PRKN: variants seen among roughly 807,000 people sequenced by gnomAD.
PRKN encodes the protein parkin RBR E3 ubiquitin protein ligase.
PRKN carries 56 observed loss-of-function variants against 59.5 expected under a neutral mutation model. The ratio of observed to expected loss-of-function variants is 0.94; its 90% CI spans 0.76 to 1.18. The LOEUF (loss-of-function observed/expected upper bound fraction) is 1.18, where lower values mean the gene tolerates loss of function less well. Among genes scored for constraint, PRKN ranks in the 50% most tolerant of loss-of-function variants. The pLI, the probability that PRKN is intolerant of heterozygous loss-of-function variation, is 0.00. For synonymous variants in PRKN, 250 were observed against 222.1 expected (o/e 1.13, Z -1.12); for missense variants, 657 against 596.4 (o/e 1.10, Z -1.06).
At chr6:162,454,421 A>G (rs1170266063) in intron 1 of PRKN, among the ~76,000 whole-genome samples, 1 of 152,254 alleles carries the variant, frequency 6.6e-6, no homozygotes, top group Non-Finnish European at 1.5e-5. Flanking sequence ...TACAGACATT[A>G]TCTCAGTTAA....
intron 4 of PRKN, among the ~76,000 whole-genome samples, chr6:162,082,020 C>T (rs1447147422): frequency 6.6e-6 from 1 of 152,130 alleles, no homozygotes; most frequent in Non-Finnish European, 1.5e-5. Context: ...TCACCTCTCT[C>T]AGCCTTCATA....
intron 1 of PRKN, among the ~76,000 whole-genome samples, chr6:162,705,029 T>C (rs1778289755): frequency 1.3e-5 from 2 of 152,198 alleles, no homozygotes; most frequent in African/African-American, 2.4e-5. Context: ...AATGTTCCTT[T>C]GCTTTTTTAA....
At chr6:161,874,865 A>ATAT (rs1794633167) in intron 6 of PRKN, among the ~76,000 whole-genome samples, 3 of 104,374 alleles carry the variant, frequency 2.9e-5, no homozygotes, top group Admixed American at 2.5e-4. Context: ...ATATATATAA[A>ATAT]ATGTAAAATA....
chr6:162,120,738 C>T (rs1392179785), intron 4 of PRKN, among the ~76,000 whole-genome samples: 1 of 152,144 alleles, frequency 6.6e-6, no homozygotes, highest in Admixed American at 6.5e-5. Flanking sequence ...TAAACCAGAG[C>T]CAGGAGGCTT....
At chr6:161,569,018 T>C (rs1480369116) in intron 8 of PRKN, among the ~76,000 whole-genome samples, 2 of 151,882 alleles carry the variant, frequency 1.3e-5, no homozygotes, top group Non-Finnish European at 2.9e-5. Context: ...AGACAGCAAC[T>C]TAGGAATGTC....
At chr6:162,425,690 C>T (rs1789206318) in intron 2 of PRKN, among the ~76,000 whole-genome samples, 2 of 152,104 alleles carry the variant, frequency 1.3e-5, no homozygotes, top group Admixed American at 6.5e-5. Flanking sequence ...ACCTGGAATG[C>T]AGCACAAAGA....
intron 4 of PRKN, among the ~76,000 whole-genome samples, chr6:162,172,704 CTGTT>C (rs1562557857): frequency 6.6e-6 from 1 of 152,142 alleles, no homozygotes; most frequent in Non-Finnish European, 1.5e-5. Flanking sequence ...GGTTTAGTCC[CTGTT>C]TGTCATGTAC....
rs78809194 is a variant in PRKN, at chr6:161,864,427, C to T, written c.735-78519G>A. On this transcript the variant is annotated intron_variant, in intron 6 of 11. Coordinates refer to ENST00000366898, the MANE Select transcript of PRKN (RefSeq NM_004562.3). ...GCAATTCAGTCACATCTTCAGGCTC[C>T]ACTTCTCATGCTATTTCTCTTGCTA... Among the ~76,000 whole-genome samples, 66 of 152,268 alleles carry T rather than the reference C, an allele frequency of 4.3e-4. No homozygotes were observed. In the East Asian group the frequency reaches 8.7e-3, roughly 20 times the overall value.
At chr6:162,288,636 G>A (rs991362398) in intron 2 of PRKN, among the ~76,000 whole-genome samples, 9 of 152,074 alleles carry the variant, frequency 5.9e-5, no homozygotes, top group Non-Finnish European at 1.2e-4. Context: ...AAAGGACACG[G>A]AGCCCTCACC....
chr6:162,324,713 T>A (rs1442929066), intron 2 of PRKN, among the ~76,000 whole-genome samples: 1 of 152,100 alleles, frequency 6.6e-6, no homozygotes, highest in Non-Finnish European at 1.5e-5. Flanking sequence ...ACAATTAAAA[T>A]GGCCTCTATT....
At chr6:162,260,723 C>A (rs1465283941) in intron 3 of PRKN, among the ~76,000 whole-genome samples, 3 of 152,090 alleles carry the variant, frequency 2.0e-5, no homozygotes, top group Non-Finnish European at 2.9e-5. Context: ...TGAATATGTA[C>A]ACAACAGGAT....
intron 1 of PRKN, among the ~76,000 whole-genome samples, chr6:162,494,455 T>C (rs894527060): frequency 3.3e-5 from 5 of 152,204 alleles, no homozygotes; most frequent in African/African-American, 9.6e-5. Flanking sequence ...CCACTTCATA[T>C]CAACCTTCTC....
intron 2 of PRKN, among the ~76,000 whole-genome samples, chr6:162,353,121 G>A (rs1218523272): frequency 6.6e-6 from 1 of 152,094 alleles, no homozygotes; most frequent in South Asian, 2.1e-4. Flanking sequence ...GTGGTAGCAG[G>A]CCAATGCCAC....
At chr6:162,147,931 TAAAA>T (rs1782097730) in intron 4 of PRKN, among the ~76,000 whole-genome samples, 1 of 152,076 alleles carries the variant, frequency 6.6e-6, no homozygotes, top group Admixed American at 6.5e-5. Flanking sequence ...ATGAACAGCA[TAAAA>T]GAGAATTCCA....
In PRKN at chr6:161,456,769, T is replaced by G. The variant is rs564081147; in HGVS notation, c.1084-69892A>C. Among the ~76,000 whole-genome samples, 111 of 152,306 alleles carry G rather than the reference T, an allele frequency of 7.3e-4. No homozygotes were observed. Among genetic ancestry groups the G allele is most frequent in the African/African-American group, 2.5e-3 (102 of 41,566 alleles). ...TGGGTGGTCAGAGGGTGAAAGGGTC[T>G]GGGGTACATGCACATGACCCTTCCT... is the stretch of plus-strand genomic sequence containing the variant. On this transcript the variant is annotated intron_variant, in intron 9 of 11. Coordinates refer to ENST00000366898, the MANE Select transcript of PRKN (RefSeq NM_004562.3). The surrounding 1 kb of genome is among the most constrained non-coding windows in gnomAD (Gnocchi z 4.8).
chr6:162,727,399 C>T (rs1779309885), intron 1 of PRKN: 1 of 468,518 alleles, frequency 2.1e-6, no homozygotes, highest in Admixed American at 4.3e-5. Flanking sequence ...TGCGGGGCCG[C>T]CTGGCGTCCC....
At chr6:161,650,585 C>G (rs1017694298) in intron 7 of PRKN, among the ~76,000 whole-genome samples, 1 of 151,978 alleles carries the variant, frequency 6.6e-6, no homozygotes. Flanking sequence ...AAATGGAGAC[C>G]GAGAGAGATT....
At chr6:161,972,436 A>C (rs1294044027) in intron 6 of PRKN, among the ~76,000 whole-genome samples, 2 of 152,036 alleles carry the variant, frequency 1.3e-5, no homozygotes, top group Non-Finnish European at 2.9e-5. Context: ...TGAATTGCCT[A>C]CTCTGCAGAG....
chr6:162,332,419 C>A (rs1419983363), intron 2 of PRKN, among the ~76,000 whole-genome samples: 2 of 152,170 alleles, frequency 1.3e-5, no homozygotes, highest in African/African-American at 2.4e-5. Context: ...AGGTTTATAC[C>A]TCCTGCCCTA....
Sources: gnomAD v4.1 joint callset for allele counts (sites outside exome capture counted in the v4.1 genomes callset) on GRCh38, gnomAD v4.1.1 for gene constraint, Gnocchi (gnomAD v3.1) non-coding constraint, MANE v1.5 for transcripts, NCBI Gene and HGNC (gene_info 2026-07-23, HGNC 2026-07-21) for gene names.